Variants in TSC1 observed in about 807,000 individuals in gnomAD.
The protein encoded by TSC1 is TSC complex subunit 1, also known as hamartin.
TSC1 carries 20 observed loss-of-function variants against 124.3 expected under a neutral mutation model. The observed-to-expected ratio is 0.16, with a 90% CI of 0.11 to 0.23. The LOEUF (loss-of-function observed/expected upper bound fraction) is 0.23, where lower values mean the gene tolerates loss of function less well. TSC1 is among the 10% of genes least tolerant of loss of function. The pLI, the probability that TSC1 is intolerant of heterozygous loss-of-function variation, is 1.00. For synonymous variants in TSC1, 493 were observed against 539.1 expected (o/e 0.91, Z 1.19); for missense variants, 1,124 against 1,448.5 (o/e 0.78, Z 3.64).
Position 132,923,669 on chromosome 9 carries a change from C to A in TSC1, c.364-177G>T. 1 of 851,906 alleles carries A rather than the reference C, an allele frequency of 1.2e-6. No individual in the cohort carries two copies. The highest frequency in any genetic ancestry group is 1.8e-6 in the Non-Finnish European group (1 of 540,584). The allele number at this position is 851,906 out of a possible 1,614,324, so 52.8% of individuals were successfully genotyped here. On this transcript the variant is annotated intron_variant, in intron 5 of 22. Coordinates refer to ENST00000298552, the MANE Select transcript of TSC1 (RefSeq NM_000368.5). The surrounding 1 kb of genome is among the most constrained non-coding windows in gnomAD (Gnocchi z 4.2). The stretch of plus-strand genomic sequence containing the variant: ...AGGGATAACATTCAAACAGACTCAA[C>A]AGAACACTGAGCCCCAACTCTACTG...
intron 22 of TSC1, 44 bp downstream of exon 22, chr9:132,897,140 T>C: frequency 1.2e-6 from 2 of 1,613,032 alleles, no homozygotes; most frequent in Non-Finnish European, 1.7e-6. Context: ...ATGCTGGAAT[T>C]GGCAGCTTAG....
intron 1 of TSC1, among the ~76,000 whole-genome samples, chr9:132,938,276 G>A (rs912792628): frequency 2.0e-5 from 3 of 152,226 alleles, no homozygotes; most frequent in African/African-American, 7.2e-5. Flanking sequence ...CTGAGGGGAA[G>A]GGAGGAATGC....
rs1244090738 is a variant in TSC1 at position 132,896,333 on chromosome 9, G to C, written c.3397C>G (p.Leu1133Val). 1 of 1,614,210 alleles carries C rather than the reference G, an allele frequency of 6.2e-7. No homozygotes were observed. The highest frequency in any genetic ancestry group is 8.5e-7 in the Non-Finnish European group (1 of 1,180,036). ...GACGGGTGAGGGCCATCTAGGTTCA[G>C]GGGAATCTTGGCTTCCACACCCAAG... ...KDLGVEAKIP[L>V]NLDGPHPSPP... Residue 1133 changes from leucine (L) to valine (V), a missense_variant, in exon 23 of 23, where the codon CTG becomes GTG. By Grantham distance (32) the Leu-to-Val change is conservative. This residue lies in a region of TSC1 where 325 missense variants were observed against 383.4 expected (regional missense o/e 0.85). Transcript: ENST00000298552. This position sits in a 1 kb window ranked among gnomAD's most constrained non-coding sequence, Gnocchi z 4.5.
chr9:132,905,470 G>C lies in TSC1; in HGVS notation c.1997+111C>G. ...ACATCTGACAAACAGCAGAGAACCA[G>C]CTGCCTCAAGGTGGGAGTGTGAAGA... On this transcript the variant is annotated intron_variant, in intron 15 of 22. Coordinates refer to ENST00000298552, the MANE Select transcript of TSC1 (RefSeq NM_000368.5). 2.0e-6 allele frequency: 3 copies of C among 1,476,724 alleles called. No homozygotes were observed. In the South Asian group the frequency reaches 3.5e-5, roughly 17 times the overall value. The allele number at this position is 1,476,724 out of a possible 1,614,324, so 91.5% of individuals were successfully genotyped here.
chr9:132,924,293 C>T (rs1453153495), intron 5 of TSC1, among the ~76,000 whole-genome samples: 1 of 152,158 alleles, frequency 6.6e-6, no homozygotes, highest in African/African-American at 2.4e-5. Flanking sequence ...TAGGTTAAGA[C>T]ATCCATTATT....
chr9:132,915,557 G>A (rs1846233190), intron 8 of TSC1, among the ~76,000 whole-genome samples: 1 of 152,140 alleles, frequency 6.6e-6, no homozygotes, highest in African/African-American at 2.4e-5. Context: ...TAAACGCCTA[G>A]TCAAGCATAA....
rs1060504857 is a variant in TSC1, at chr9:132,896,367, C to T, written c.3363G>A (p.Leu1121=). The change falls in exon 23 of 23, where the codon CTG becomes CTA. Residue 1121 remains leucine (L), a synonymous_variant. Transcript: ENST00000298552. This position sits in a 1 kb window ranked among gnomAD's most constrained non-coding sequence, Gnocchi z 4.5. ...SSLSESLKTE[L]GKDLGVEAKI... The stretch of plus-strand genomic sequence containing the variant: ...TGGCTTCCACACCCAAGTCTTTGCC[C>T]AGTTCTGTCTTTAGGCTCTCAGAAA... 1.9e-6 allele frequency: 3 copies of T among 1,614,230 alleles called. No homozygotes were observed. Among genetic ancestry groups the T allele is most frequent in the Non-Finnish European group, 2.5e-6 (3 of 1,180,048 alleles).
At chr9:132,901,157 G>A (rs575443573) in intron 19 of TSC1, among the ~76,000 whole-genome samples, 1 of 152,330 alleles carries the variant, frequency 6.6e-6, no homozygotes, top group African/African-American at 2.4e-5. Context: ...TAAAGCCCTA[G>A]GGAAAACTCA....
In TSC1 at chr9:132,903,202, T is replaced by C. The variant is rs971947350; in HGVS notation, c.2209-415A>G. Among the ~76,000 whole-genome samples, 2 of 152,224 alleles carry C rather than the reference T, an allele frequency of 1.3e-5. No individual in the cohort carries two copies. Among genetic ancestry groups the C allele is most frequent in the Non-Finnish European group, 2.9e-5 (2 of 68,040 alleles). On this transcript the variant is annotated intron_variant, in intron 17 of 22. Coordinates refer to ENST00000298552, the MANE Select transcript of TSC1 (RefSeq NM_000368.5). This position sits in a 1 kb window ranked among gnomAD's most constrained non-coding sequence, Gnocchi z 5.9. ...ACAACTTAAAGAGCAGGTGCTGCTA[T>C]TGTTATTTCCATTTTATAGCATGGC...
chr9:132,907,766 G>A (rs899570481), intron 12 of TSC1, among the ~76,000 whole-genome samples: 4 of 151,950 alleles, frequency 2.6e-5, no homozygotes, highest in African/African-American at 7.2e-5. Context: ...CTGGGACCAC[G>A]CCCAGCAGCT....
In TSC1 at chr9:132,944,363, C is replaced by G. The variant is rs576128290; in HGVS notation, c.-144+180G>C. Among the ~76,000 whole-genome samples, 5 of 152,298 alleles carry G rather than the reference C, an allele frequency of 3.3e-5. No homozygotes were observed. In the East Asian group the frequency reaches 9.7e-4, roughly 30 times the overall value. ...ACCCGCCAGTCCCGGCCGGGCCAGC[C>G]GGAGATAGCGTGTAATAAGAGGGAG... On this transcript the variant is annotated intron_variant, in intron 1 of 22. Transcript: ENST00000298552.
At chr9:132,901,969 CA>C in intron 18 of TSC1, 1 of 408,156 alleles carries the variant, frequency 2.5e-6, no homozygotes, top group African/African-American at 2.0e-5. Context: ...AGCAAACTCA[CA>C]GGGATGCTGC....
In TSC1 at chr9:132,903,264, G is replaced by A. The variant is rs1431266199; in HGVS notation, c.2208+387C>T. Among the ~76,000 whole-genome samples, 1 of 152,230 alleles carries A rather than the reference G, an allele frequency of 6.6e-6. No homozygotes were observed. The highest frequency in any genetic ancestry group is 2.4e-5 in the African/African-American group (1 of 41,454). ...TCAAGAGGCCACGTTACTTTTCTAA[G>A]GTAACACTGGTAGAGCCAAGATTCA... On this transcript the variant is annotated intron_variant, in intron 17 of 22. Coordinates refer to ENST00000298552, the MANE Select transcript of TSC1 (RefSeq NM_000368.5). The surrounding 1 kb of genome is among the most constrained non-coding windows in gnomAD (Gnocchi z 5.9).
In TSC1 at chr9:132,925,624, T is replaced by C. The variant is rs1846811126; in HGVS notation, c.326A>G (p.Gln109Arg). The C allele has an allele frequency of 2.5e-6, 4 of 1,614,226 alleles. No homozygotes were observed. Among genetic ancestry groups the C allele is most frequent in the Non-Finnish European group, 3.4e-6 (4 of 1,180,048 alleles). ...LQPSWKHKLS[Q>R]APLLPSLLKC... ...TAGTAAAGAAGGCAAAAGAGGTGCT[T>C]GAGAGAGCTTATGCTTCCAAGATGG... The change falls in exon 5 of 23, where the codon CAA (glutamine) becomes CGA (arginine). Residue 109 changes from glutamine (Q) to arginine (R), a missense_variant. By Grantham distance (43) the Gln-to-Arg change is conservative. This residue lies in a region of TSC1 where 463 missense variants were observed against 606.8 expected (regional missense o/e 0.76). Transcript: ENST00000298552.
Position 132,896,025 on chromosome 9 carries a change from T to C in TSC1, c.*210A>G. On this transcript the variant is annotated 3_prime_UTR_variant, in exon 23 of 23. Transcript: ENST00000298552. This position sits in a 1 kb window ranked among gnomAD's most constrained non-coding sequence, Gnocchi z 4.5. ...CACTGCGAGGTAAATGAGAGGGGGTTAGGGCGGGTGGAGGGGAAGGTCAAG... is the reference window on the plus strand; with the variant it reads ...CACTGCGAGGTAAATGAGAGGGGGTCAGGGCGGGTGGAGGGGAAGGTCAAG... 2 of 663,182 alleles carry C rather than the reference T, an allele frequency of 3.0e-6. No individual in the cohort carries two copies. The highest frequency in any genetic ancestry group is 2.3e-5 in the Admixed American group (1 of 43,516). 41.1% of individuals were successfully genotyped at this position (663,182 alleles called of 1,614,324 possible).
Position 132,906,827 on chromosome 9 carries a change from G to A in TSC1, c.1342C>T (p.Pro448Ser), listed in dbSNP as rs118203518. 1,062 of 1,614,020 alleles carry A rather than the reference G, an allele frequency of 6.6e-4. 9 individuals carry two copies. The African/African-American group carries it at 0.012, about 19-fold the overall frequency. The part of the protein sequence containing the change: ...LLNDRGSEEP[P>S]GSKGSVTLSD... The stretch of plus-strand genomic sequence containing the variant: ...AGAGTGACAGAACCTTTGCTGCCAG[G>A]TGGCTCTTCTGAAGAGAAACAAAGA... Residue 448 changes from proline (P) to serine (S), a missense_variant, in exon 14 of 23, where the codon CCT (proline) becomes TCT (serine). Pro to Ser is a moderately conservative substitution (Grantham distance 74). Transcript: ENST00000298552. This position sits in a 1 kb window ranked among gnomAD's most constrained non-coding sequence, Gnocchi z 4.1.
rs1262348969 is a variant in TSC1, at chr9:132,921,699, G to T, written c.663+120C>A. 1.5e-6 allele frequency: 2 copies of T among 1,366,348 alleles called. No individual in the cohort carries two copies. The highest frequency in any genetic ancestry group is 2.3e-5 in the East Asian group (1 of 43,404). The allele number at this position is 1,366,348 out of a possible 1,614,324, so 84.6% of individuals were successfully genotyped here. ...GTGGCTGCCTAGGGATTGGAGTGGC[G>T]AGGAAGAAAACTGAATTTCTTTTCA... On this transcript the variant is annotated intron_variant, in intron 7 of 22. Coordinates refer to ENST00000298552, the MANE Select transcript of TSC1 (RefSeq NM_000368.5). This position sits in a 1 kb window ranked among gnomAD's most constrained non-coding sequence, Gnocchi z 4.3.
chr9:132,922,034 C>T, intron 6 of TSC1, 61 bp from the exon 7 acceptor site: 1 of 1,606,620 alleles, frequency 6.2e-7, no homozygotes, highest in African/African-American at 1.3e-5. Flanking sequence ...GAGTGCAAAA[C>T]AGCTATAAAC....
intron 8 of TSC1, among the ~76,000 whole-genome samples, chr9:132,917,638 T>TA (rs199927904): frequency 1.1e-4 from 16 of 152,268 alleles, no homozygotes; most frequent in East Asian, 9.6e-4. Flanking sequence ...GGCTCTTCTT[T>TA]AAAAAAAAAT....
Sources: gnomAD v4.1 joint callset for allele counts (sites outside exome capture counted in the v4.1 genomes callset) on GRCh38, gnomAD v4.1.1 for gene constraint, gnomAD v4.1.1 regional missense constraint, Gnocchi (gnomAD v3.1) non-coding constraint, MANE v1.5 for transcripts, NCBI Gene and HGNC (gene_info 2026-07-23, HGNC 2026-07-21) for gene names.